Variants in BORCS5 observed in about 807,000 individuals in gnomAD.
BORCS5 encodes BLOC-1-related complex subunit 5.
BORCS5 carries 17 observed loss-of-function variants against 22.1 expected under a neutral mutation model. That is an observed-to-expected ratio of 0.77 (90% confidence interval 0.53 to 1.15). BORCS5 has a LOEUF of 1.15. Ranked by LOEUF, BORCS5 falls within the 50% of genes most tolerant of loss-of-function variation. The pLI is 0.00. For synonymous variants in BORCS5, 117 were observed against 99.8 expected, an observed-to-expected ratio of 1.17 and a Z score of -1.03; for missense variants, 247 against 253.2, an observed-to-expected ratio of 0.98 and a Z score of 0.17.
chr12:12,419,332 A>G (rs973515283), intron 2 of BORCS5, among the ~76,000 whole-genome samples: 8 of 152,120 alleles, frequency 5.3e-5, no homozygotes, highest in African/African-American at 1.9e-4. Flanking sequence ...GCTGAGAATG[A>G]TGGTTTCCAG....
rs147930990 is a variant in BORCS5 at position 12,437,837 on chromosome 12, G to A, written c.360+2052G>A. On this transcript the variant is annotated intron_variant, in intron 3 of 3. Transcript: ENST00000314565. Reference sequence around the variant, plus strand: ...AGTTTAGTGATAACATTCATAGCTCGTTGCAACCTCTAACTGCTGGGCAGA... The same window carrying A: ...AGTTTAGTGATAACATTCATAGCTCATTGCAACCTCTAACTGCTGGGCAGA... Among the ~76,000 whole-genome samples the A allele has an allele frequency of 2.6e-3, 399 of 152,076 alleles. 2 individuals carry two copies. Among genetic ancestry groups the A allele is most frequent in the African/African-American group, 9.0e-3 (375 of 41,468 alleles).
At position 12,427,860 on chromosome 12, in the gene BORCS5, A is replaced by G. The variant is rs150182854; in HGVS notation, c.203-7768A>G. ...TCACATCTCTTCTTCTAGTGACACT[A>G]GTCCCATTCATGAAGCCTCTATACT... On this transcript the variant is annotated intron_variant, in intron 2 of 3. Transcript: ENST00000314565. Among the ~76,000 whole-genome samples the G allele has an allele frequency of 2.5e-3, 383 of 152,320 alleles. 1 individual carries two copies. The highest frequency in any genetic ancestry group is 8.3e-3 in the African/African-American group (343 of 41,574).
chr12:12,463,875 G>T (rs1406739937), intron 3 of BORCS5, among the ~76,000 whole-genome samples: 2 of 152,190 alleles, frequency 1.3e-5, no homozygotes, highest in African/African-American at 4.8e-5. Context: ...GGCCATTTCA[G>T]ATAGAAACTC....
At chr12:12,440,180 CAG>C (rs1277092828) in intron 3 of BORCS5, among the ~76,000 whole-genome samples, 1 of 152,182 alleles carries the variant, frequency 6.6e-6, no homozygotes, top group African/African-American at 2.4e-5. Flanking sequence ...AAAGGAAAAT[CAG>C]AGAGTTAGCT....
At chr12:12,437,663 G>T (rs1176453818) in intron 3 of BORCS5, among the ~76,000 whole-genome samples, 1 of 152,144 alleles carries the variant, frequency 6.6e-6, no homozygotes. Flanking sequence ...AAACTTAGTT[G>T]ACCTCAGAAC....
At chr12:12,407,701 T>G (rs1425139334) in intron 2 of BORCS5, among the ~76,000 whole-genome samples, 2 of 148,178 alleles carry the variant, frequency 1.3e-5, no homozygotes, top group African/African-American at 5.2e-5. Flanking sequence ...ATTTTACTAT[T>G]CTTTTTGTTT....
chr12:12,409,634 G>A (rs1941675331), intron 2 of BORCS5, among the ~76,000 whole-genome samples: 1 of 152,094 alleles, frequency 6.6e-6, no homozygotes, highest in Admixed American at 6.6e-5. Flanking sequence ...TATCATTGTT[G>A]GACATTTGGG....
rs1941474423 is a variant in BORCS5 at position 12,401,507 on chromosome 12, AT to A, written c.203-34114del. On this transcript the variant is annotated intron_variant, in intron 2 of 3. Coordinates refer to ENST00000314565, the MANE Select transcript of BORCS5 (RefSeq NM_058169.6). ...ATAACATAGCTTTTTTGCCATATTT[AT>A]TTTTTTAATAATTTTTTTTCTGATC... Among the ~76,000 whole-genome samples the A allele has an allele frequency of 3.3e-5, 5 of 152,066 alleles. 1 individual carries two copies. The highest frequency in any genetic ancestry group is 3.3e-4 in the Admixed American group (5 of 15,274).
At chr12:12,392,045 CAAAAAAA>C (rs61408318) in intron 2 of BORCS5, among the ~76,000 whole-genome samples, 6 of 66,858 alleles carry the variant, frequency 9.0e-5, no homozygotes, top group East Asian at 7.6e-4. Flanking sequence ...GACTTCATTT[CAAAAAAA>C]AAAAAAAAAA....
chr12:12,421,942 T>C (rs1191883144), intron 2 of BORCS5, among the ~76,000 whole-genome samples: 1 of 152,218 alleles, frequency 6.6e-6, no homozygotes, highest in African/African-American at 2.4e-5. Context: ...TCTTCTCTCT[T>C]TTCTTCTTTG....
At position 12,361,326 on chromosome 12, in the gene BORCS5, C is replaced by T; in HGVS notation, c.179C>T (p.Pro60Leu). The change falls in exon 2 of 4, where the codon CCA (proline) becomes CTA (leucine). Residue 60 changes from proline (P) to leucine (L), a missense_variant. Pro to Leu is a moderately conservative substitution (Grantham distance 98, BLOSUM62 -3). Coordinates refer to ENST00000314565, the MANE Select transcript of BORCS5 (RefSeq NM_058169.6). Reference sequence around the variant, plus strand: ...GATGTCATCAAGTTGCAAGAGATTCCAACCTTCCAGCCCCTTTTGAAAGGT... The same window carrying T: ...GATGTCATCAAGTTGCAAGAGATTCTAACCTTCCAGCCCCTTTTGAAAGGT... ...DPDVIKLQEI[P>L]TFQPLLKGLL... 1 of 1,614,162 alleles carries T rather than the reference C, an allele frequency of 6.2e-7. No homozygotes were observed. Among genetic ancestry groups the T allele is most frequent in the Non-Finnish European group, 8.5e-7 (1 of 1,180,008 alleles).
intron 2 of BORCS5, among the ~76,000 whole-genome samples, chr12:12,361,580 TTATC>T (rs1249667137): frequency 1.3e-5 from 2 of 152,222 alleles, no homozygotes; most frequent in South Asian, 2.1e-4. Flanking sequence ...GCAAATATCT[TTATC>T]TGTCTATATT....
At chr12:12,438,385 A>AATACAC (rs1555156050) in intron 3 of BORCS5, among the ~76,000 whole-genome samples, 1 of 126,112 alleles carries the variant, frequency 7.9e-6, no homozygotes, top group African/African-American at 3.3e-5. Context: ...AAAAAACGAA[A>AATACAC]AACAACAACA....
intron 2 of BORCS5, among the ~76,000 whole-genome samples, chr12:12,372,634 G>A (rs1467219095): frequency 6.6e-6 from 1 of 152,042 alleles, no homozygotes; most frequent in East Asian, 1.9e-4. Context: ...GGCTCATCTA[G>A]TGCAGTCTTT....
rs1208226348 is a variant in BORCS5, at chr12:12,470,696, C to T, written c.*4920C>T. Among the ~76,000 whole-genome samples, 1 of 147,432 alleles carries T rather than the reference C, an allele frequency of 6.8e-6. No homozygotes were observed. The highest frequency in any genetic ancestry group is 1.5e-5 in the Non-Finnish European group (1 of 67,206). On this transcript the variant is annotated 3_prime_UTR_variant, in exon 4 of 4. Transcript: ENST00000314565. ...TGTGGGTTTTTTTTTTTTGACACAC[C>T]AGGCATGTCTCTTCCATTCAAATGC...
chr12:12,399,400 C>T (rs751078829), intron 2 of BORCS5, among the ~76,000 whole-genome samples: 1 of 152,102 alleles, frequency 6.6e-6, no homozygotes, highest in African/African-American at 2.4e-5. Context: ...GGTGGTTGCT[C>T]TGCATTTTCA....
chr12:12,410,919 C>G (rs879553222), intron 2 of BORCS5, among the ~76,000 whole-genome samples: 22 of 80,672 alleles, frequency 2.7e-4, no homozygotes, highest in Admixed American at 1.2e-3. Context: ...GTGGTTTGTA[C>G]TTCTCCTTGA....
At chr12:12,412,532 G>T (rs1276128188) in intron 2 of BORCS5, among the ~76,000 whole-genome samples, 1 of 152,098 alleles carries the variant, frequency 6.6e-6, no homozygotes, top group Non-Finnish European at 1.5e-5. Context: ...GGAACATTCA[G>T]GTTTTCTATA....
chr12:12,418,829 C>G (rs1942039378), intron 2 of BORCS5, among the ~76,000 whole-genome samples: 1 of 152,130 alleles, frequency 6.6e-6, no homozygotes, highest in Non-Finnish European at 1.5e-5. Context: ...CAATCCCTGT[C>G]TTTTGATTGG....
Sources: allele counts gnomAD v4.1 joint callset (sites outside exome capture counted in the v4.1 genomes callset), GRCh38; gene constraint gnomAD v4.1.1; transcripts MANE v1.5; gene names NCBI Gene and HGNC (gene_info 2026-07-23, HGNC 2026-07-21).